MTHFD2L: variants seen among roughly 807,000 people sequenced by gnomAD.
MTHFD2L encodes bifunctional methylenetetrahydrofolate dehydrogenase/cyclohydrolase 2, mitochondrial.
In MTHFD2L, 29 loss-of-function variants were observed where a neutral mutation model predicts 34.9. That is an observed-to-expected ratio of 0.83 (90% CI 0.62 to 1.13). The LOEUF (loss-of-function observed/expected upper bound fraction) is 1.13. MTHFD2L is among the 50% of genes most tolerant of loss of function. The probability of loss-of-function intolerance (pLI) is 0.00; values close to 1 mark genes in which losing one functional copy is unlikely to be tolerated. For missense variants in MTHFD2L, 481 were observed against 446.5 expected, an observed-to-expected ratio of 1.08 and a Z score of -0.70; for synonymous variants, 167 against 155.7, an observed-to-expected ratio of 1.07 and a Z score of -0.54.
chr4:74,283,467 A>T (rs1057218914), intron 7 of MTHFD2L, among the ~76,000 whole-genome samples: 2 of 152,064 alleles, frequency 1.3e-5, no homozygotes, highest in Non-Finnish European at 2.9e-5. Flanking sequence ...TTAAAAGGAG[A>T]TGGAAAAGAG....
chr4:74,136,817 C>T (rs1330667041), intron 1 of MTHFD2L, among the ~76,000 whole-genome samples: 1 of 152,090 alleles, frequency 6.6e-6, no homozygotes, highest in African/African-American at 2.4e-5. Flanking sequence ...TAAATCCATG[C>T]ATTTGCAGCC....
chr4:74,153,401 T>A (rs959214699), upstream of MTHFD2L, among the ~76,000 whole-genome samples: 2 of 152,240 alleles, frequency 1.3e-5, no homozygotes, highest in African/African-American at 4.8e-5. Context: ...CATAAAAATG[T>A]ATTGTACTCT....
chr4:74,263,200 G>T (rs1214883844), intron 6 of MTHFD2L, among the ~76,000 whole-genome samples: 2 of 151,724 alleles, frequency 1.3e-5, no homozygotes, highest in African/African-American at 2.4e-5. Flanking sequence ...GTCTGTTTTT[G>T]TACCAGTACC....
intron 4 of MTHFD2L, 116 bp from the exon 5 acceptor site, chr4:74,201,147 C>T (rs1023610504): frequency 1.5e-6 from 1 of 660,112 alleles, no homozygotes; most frequent in African/African-American, 1.8e-5. Flanking sequence ...AGATAAGCCA[C>T]ATAATAATTC....
chr4:74,290,998 C>CTTTTTTTTTTTTTTTTTTTT (rs1560565979), intron 7 of MTHFD2L, among the ~76,000 whole-genome samples: 1 of 46,152 alleles, frequency 2.2e-5, no homozygotes, highest in African/African-American at 6.7e-5. Context: ...TTTATTTTTC[C>CTTTTTTTTTTTTTTTTTTTT]TTTTCTTTTT....
intron 6 of MTHFD2L, among the ~76,000 whole-genome samples, chr4:74,238,610 T>C (rs1432370575): frequency 2.6e-5 from 4 of 151,812 alleles, no homozygotes; most frequent in East Asian, 1.9e-4. Context: ...AGGGCTAATA[T>C]CCAGAATCTA....
At chr4:74,146,005 A>G (rs546731207) in intron 1 of MTHFD2L, among the ~76,000 whole-genome samples, 1 of 152,320 alleles carries the variant, frequency 6.6e-6, no homozygotes, top group East Asian at 1.9e-4. Flanking sequence ...GTATCGCTTT[A>G]TAAGAGTGGG....
At chr4:74,128,166 A>G (rs1338067631) in intron 1 of MTHFD2L, among the ~76,000 whole-genome samples, 1 of 152,100 alleles carries the variant, frequency 6.6e-6, no homozygotes, top group Non-Finnish European at 1.5e-5. Context: ...TGAAATGGAT[A>G]GTTTATAAAA....
intron 5 of MTHFD2L, among the ~76,000 whole-genome samples, chr4:74,205,429 T>A (rs1323367871): frequency 6.6e-6 from 1 of 152,224 alleles, no homozygotes; most frequent in Admixed American, 6.5e-5. Flanking sequence ...CCAGAAGACA[T>A]GCAGAACCCT....
chr4:74,185,966 TAG>T (rs1731158179), intron 3 of MTHFD2L, among the ~76,000 whole-genome samples: 1 of 152,188 alleles, frequency 6.6e-6, no homozygotes. Flanking sequence ...TTCATGAAGA[TAG>T]ATTCAAAAGG....
chr4:74,133,114 A>C (rs1307617707), intron 1 of MTHFD2L, among the ~76,000 whole-genome samples: 1 of 152,180 alleles, frequency 6.6e-6, no homozygotes, highest in East Asian at 1.9e-4. Flanking sequence ...TTGTCTGTGA[A>C]AGACAATTTC....
Position 74,162,505 on chromosome 4 carries a change from C to CT in MTHFD2L, c.143+4244dup, listed in dbSNP as rs3051352. On this transcript the variant is annotated intron_variant, in intron 1 of 7. Transcript: ENST00000325278. ...GTTTACAACAGATGTTCTCTCCCCA[C>CT]TTTTTTTTTTTTTTTTTTTTGCTGT... Among the ~76,000 whole-genome samples, 708 of 124,218 alleles carry CT rather than the reference C, an allele frequency of 5.7e-3. 2 individuals are homozygous for CT. The highest frequency in any genetic ancestry group is 0.011 in the African/African-American group (363 of 33,624). 81.5% of individuals were successfully genotyped at this position (124,218 alleles called of 152,430 possible). A position where few individuals can be genotyped will look rare whatever the true frequency, so the allele number is the denominator to read the frequency against.
intron 6 of MTHFD2L, among the ~76,000 whole-genome samples, chr4:74,237,411 G>A (rs1448886564): frequency 6.6e-6 from 1 of 152,198 alleles, no homozygotes; most frequent in African/African-American, 2.4e-5. Flanking sequence ...CACTTTGGGA[G>A]GCCAAGGTGG....
intron 7 of MTHFD2L, among the ~76,000 whole-genome samples, chr4:74,294,981 C>G (rs1387104741): frequency 6.6e-6 from 1 of 152,076 alleles, no homozygotes; most frequent in Non-Finnish European, 1.5e-5. Context: ...TGAATTTCTC[C>G]TTCACTACTT....
At chr4:74,221,004 T>A (rs1232498310) in intron 5 of MTHFD2L, among the ~76,000 whole-genome samples, 5 of 151,090 alleles carry the variant, frequency 3.3e-5, no homozygotes, top group African/African-American at 1.2e-4. Flanking sequence ...ATATGAAGTG[T>A]TTTCATTATA....
rs145632419 is a variant in MTHFD2L at position 74,296,113 on chromosome 4, C to T, written c.932-5584C>T. Among the ~76,000 whole-genome samples, 871 of 152,136 alleles carry T rather than the reference C, an allele frequency of 5.7e-3. 5 individuals carry two copies. The highest frequency in any genetic ancestry group is 8.3e-3 in the Non-Finnish European group (562 of 67,994). Reference sequence around the variant, plus strand: ...AATAATTGTTACGAATCTATCTGGTCCAGTTTATGGCATGTGTGGGAACAG... The same window carrying T: ...AATAATTGTTACGAATCTATCTGGTTCAGTTTATGGCATGTGTGGGAACAG... On this transcript the variant is annotated intron_variant, in intron 7 of 7. Transcript: ENST00000325278.
intron 7 of MTHFD2L, among the ~76,000 whole-genome samples, chr4:74,293,263 C>T (rs1163471764): frequency 6.6e-6 from 1 of 151,976 alleles, no homozygotes; most frequent in African/African-American, 2.4e-5. Context: ...TCTCATTGTT[C>T]AACTCCCACT....
intron 1 of MTHFD2L, among the ~76,000 whole-genome samples, chr4:74,131,176 A>G (rs1722466732): frequency 6.6e-6 from 1 of 152,224 alleles, no homozygotes; most frequent in South Asian, 2.1e-4. Context: ...TAATTTATAG[A>G]TTCAATGCTA....
chr4:74,216,022 A>G (rs1737157541), intron 5 of MTHFD2L, among the ~76,000 whole-genome samples: 1 of 151,750 alleles, frequency 6.6e-6, no homozygotes, highest in Admixed American at 6.6e-5. Flanking sequence ...AAAAAGAAAC[A>G]TGTGCTCAAT....
Sources: gnomAD v4.1 joint callset for allele counts (sites outside exome capture counted in the v4.1 genomes callset) on GRCh38, gnomAD v4.1.1 for gene constraint, MANE v1.5 for transcripts, NCBI Gene and HGNC (gene_info 2026-07-23, HGNC 2026-07-21) for gene names.